The following PRMT8 variants were observed in gnomAD, a reference collection of about 807,000 sequenced individuals.
PRMT8 encodes protein arginine methyltransferase 8, also known as protein arginine N-methyltransferase 8.
In PRMT8, 7 loss-of-function variants were observed where a neutral mutation model predicts 47.1. The ratio of observed to expected loss-of-function variants is 0.15; its 90% CI spans 0.08 to 0.28. The LOEUF (loss-of-function observed/expected upper bound fraction) is 0.28. Ranked by LOEUF, PRMT8 falls within the 10% of genes least tolerant of loss-of-function variation. The pLI is 1.00. For missense variants in PRMT8, 237 were observed against 505.4 expected (o/e 0.47, Z 5.09); for synonymous variants, 188 against 186.5 (o/e 1.01, Z -0.07).
At chr12:3,527,568 A>G (rs1057394518) in intron 1 of PRMT8, among the ~76,000 whole-genome samples, 17 of 152,330 alleles carry the variant, frequency 1.1e-4, no homozygotes, top group African/African-American at 4.1e-4. Flanking sequence ...ACTACTGTAT[A>G]GAAACCTTCA....
At chr12:3,442,939 G>A (rs1419364307) in intron 1 of PRMT8, among the ~76,000 whole-genome samples, 2 of 152,142 alleles carry the variant, frequency 1.3e-5, no homozygotes, top group African/African-American at 4.8e-5. Flanking sequence ...TTATAGGTGT[G>A]AGCCACCACG....
chr12:3,541,741 G>A (rs556475987), intron 2 of PRMT8, among the ~76,000 whole-genome samples: 1 of 152,302 alleles, frequency 6.6e-6, no homozygotes, highest in South Asian at 2.1e-4. Flanking sequence ...AGTAATAATA[G>A]CCAGCTCTTT....
At chr12:3,553,546 G>A (rs1478098977) in intron 3 of PRMT8, 105 bp from the exon 4 acceptor site, 10 of 988,112 alleles carry the variant, frequency 1.0e-5, no homozygotes, top group East Asian at 4.8e-5. Flanking sequence ...CCGTGGGCAA[G>A]TCACCACCCC....
chr12:3,417,029 A>G (rs766344713), intron 1 of PRMT8, among the ~76,000 whole-genome samples: 15 of 152,230 alleles, frequency 9.9e-5, no homozygotes, highest in Non-Finnish European at 1.9e-4. Flanking sequence ...AGGGAACCTT[A>G]TTAAGGGAAC....
At chr12:3,448,543 T>G (rs530246552) in intron 1 of PRMT8, among the ~76,000 whole-genome samples, 1 of 152,246 alleles carries the variant, frequency 6.6e-6, no homozygotes, top group Non-Finnish European at 1.5e-5. Context: ...AGATACTTCT[T>G]TGTTGTAGGA....
chr12:3,507,107 C>T (rs1043123457), intron 1 of PRMT8, among the ~76,000 whole-genome samples: 2 of 148,734 alleles, frequency 1.3e-5, no homozygotes, highest in African/African-American at 2.5e-5. Context: ...TAAAGTAAAG[C>T]GGTGGCCTTT....
chr12:3,483,519 G>C (rs73260081), intron 1 of PRMT8, among the ~76,000 whole-genome samples: 16,078 of 152,046 alleles, frequency 0.11, 935 homozygotes, highest in African/African-American at 0.14. Flanking sequence ...AGGTTGAGAG[G>C]TACGCTGGGA....
chr12:3,397,469 C>T lies in PRMT8; in HGVS notation c.48+16027C>T, dbSNP rs1334301855. 1.3e-5 allele frequency among the ~76,000 whole-genome samples: 2 copies of T among 150,000 alleles called. 1 individual carries two copies. Among genetic ancestry groups the T allele is most frequent in the Non-Finnish European group, 3.0e-5 (2 of 67,678 alleles). On this transcript the variant is annotated intron_variant, in intron 1 of 9. Coordinates refer to the PRMT8 transcript ENST00000452611. ...CTGCAGGTCTGTTGGAGTACTGGGC[C>T]CTGTGAGGTGTCAGTCTGCCCCTGC...
chr12:3,397,731 G>T (rs1170463110), intron 1 of PRMT8, among the ~76,000 whole-genome samples: 1 of 152,064 alleles, frequency 6.6e-6, no homozygotes, highest in Non-Finnish European at 1.5e-5. Context: ...AGCTGTGGTG[G>T]GCTCCCCCCA....
At chr12:3,523,480 C>T (rs1011190867) in intron 1 of PRMT8, among the ~76,000 whole-genome samples, 2 of 152,244 alleles carry the variant, frequency 1.3e-5, no homozygotes, top group Non-Finnish European at 2.9e-5. Flanking sequence ...CTGTCACTCC[C>T]CATCCCACTA....
intron 1 of PRMT8, among the ~76,000 whole-genome samples, chr12:3,451,649 A>G (rs968759015): frequency 6.6e-6 from 1 of 152,188 alleles, no homozygotes; most frequent in African/African-American, 2.4e-5. Context: ...CAACAGTTAG[A>G]CATCCTATAG....
At chr12:3,437,316 C>G (rs1232769252) in intron 1 of PRMT8, among the ~76,000 whole-genome samples, 1 of 151,966 alleles carries the variant, frequency 6.6e-6, no homozygotes, top group East Asian at 1.9e-4. Flanking sequence ...TAGCTACATA[C>G]AGTTACATAG....
chr12:3,532,793 G>A (rs916361005), intron 1 of PRMT8, among the ~76,000 whole-genome samples: 7 of 151,996 alleles, frequency 4.6e-5, no homozygotes, highest in South Asian at 2.1e-4. Context: ...GCTGGGACCC[G>A]TCCCAAAATT....
rs1306500418 is a variant in PRMT8 at position 3,583,170 on chromosome 12, A to C, written c.941A>C (p.Glu314Ala). 6.2e-7 allele frequency: 1 copy of C among 1,613,742 alleles called. No individual in the cohort carries two copies. The highest frequency in any genetic ancestry group is 2.2e-5 in the East Asian group (1 of 44,860). ...VHALVTYFNIEFTKCHKKMGF... is the reference protein window; with the variant it reads ...VHALVTYFNIAFTKCHKKMGF... ...GCCCTGGTCACCTATTTTAATATTG[A>C]ATTTACCAAGTGCCACAAGAAAATG... is the stretch of plus-strand genomic sequence containing the variant. The change falls in exon 8 of 10, where the codon GAA (glutamate) becomes GCA (alanine). Residue 314 changes from glutamate (E) to alanine (A), a missense_variant. Physicochemically the swap from Glu to Ala is moderately radical, Grantham distance 107. Around this residue, in one of 5 missense-constraint regions of PRMT8, gnomAD observed 151 missense variants for 341.1 expected, o/e 0.44. Transcript: ENST00000382622. This position sits in a 1 kb window ranked among gnomAD's most constrained non-coding sequence, Gnocchi z 4.7.
At chr12:3,392,601 C>T (rs1293568246) in intron 1 of PRMT8, among the ~76,000 whole-genome samples, 1 of 151,042 alleles carries the variant, frequency 6.6e-6, no homozygotes, top group Non-Finnish European at 1.5e-5. Flanking sequence ...TTTCTTAATC[C>T]AGTCTATCAT....
intron 1 of PRMT8, among the ~76,000 whole-genome samples, chr12:3,406,469 C>A (rs535199113): frequency 3.9e-5 from 6 of 152,180 alleles, no homozygotes; most frequent in African/African-American, 1.4e-4. Flanking sequence ...TGTCAGGCTG[C>A]AAAATTTCCA....
intron 1 of PRMT8, among the ~76,000 whole-genome samples, chr12:3,452,640 G>A (rs1398401244): frequency 6.6e-6 from 1 of 152,178 alleles, no homozygotes; most frequent in East Asian, 1.9e-4. Flanking sequence ...CAGGGCAGTT[G>A]TATAGCCCAG....
At chr12:3,440,904 T>G (rs1425344295) in intron 1 of PRMT8, among the ~76,000 whole-genome samples, 1 of 152,186 alleles carries the variant, frequency 6.6e-6, no homozygotes, top group African/African-American at 2.4e-5. Context: ...GACAAGAACT[T>G]GCCTTAAACC....
At chr12:3,496,214 A>ATATATATATTTTTTT in intron 1 of PRMT8, among the ~76,000 whole-genome samples, 1 of 27,752 alleles carries the variant, frequency 3.6e-5, no homozygotes, top group Admixed American at 7.4e-4. Context: ...ATATATATAT[A>ATATATATATTTTTTT]TTTTTTTTTT....
Sources: allele counts gnomAD v4.1 joint callset (sites outside exome capture counted in the v4.1 genomes callset), GRCh38; gene constraint gnomAD v4.1.1; regional missense constraint gnomAD v4.1.1; non-coding constraint Gnocchi (gnomAD v3.1); transcripts MANE v1.5; gene names NCBI Gene and HGNC (gene_info 2026-07-23, HGNC 2026-07-21).